The following MYO3B variants were observed in gnomAD, a reference collection of about 807,000 sequenced individuals.
The protein encoded by MYO3B is myosin-IIIb.
Under a neutral mutation model 174.6 loss-of-function variants are expected in MYO3B, and 156 were observed. The observed-to-expected ratio is 0.89, with a 90% CI of 0.78 to 1.02. The LOEUF is 1.02. Among genes scored for constraint, MYO3B ranks in the 50% least tolerant of loss-of-function variants. The pLI is 0.00. For missense variants in MYO3B, 1,632 were observed against 1,639.4 expected, an observed-to-expected ratio of 1.00 and a Z score of 0.08; for synonymous variants, 563 against 569.1, an observed-to-expected ratio of 0.99 and a Z score of 0.15.
intron 32 of MYO3B, among the ~76,000 whole-genome samples, chr2:170,635,544 C>T (rs917814842): frequency 6.6e-6 from 1 of 152,066 alleles, no homozygotes; most frequent in African/African-American, 2.4e-5. Context: ...AGCAAACCAA[C>T]ACAACACATG....
chr2:170,369,354 T>A lies in MYO3B; in HGVS notation c.948T>A (p.His316Gln). 6.2e-7 allele frequency: 1 copy of A among 1,613,286 alleles called. No individual in the cohort carries two copies. The highest frequency in any genetic ancestry group is 2.2e-5 in the East Asian group (1 of 44,864). Residue 316 changes from histidine to glutamine, a missense_variant, in exon 9 of 35, where the codon CAT becomes CAA. Coordinates refer to ENST00000408978, the MANE Select transcript of MYO3B (RefSeq NM_138995.5). Reference protein sequence around the residue: ...QLAKVLQDQKHQNPVAKTRHE... With the variant: ...QLAKVLQDQKQQNPVAKTRHE... The stretch of plus-strand genomic sequence containing the variant: ...CCAAGGTTCTCCAAGACCAGAAGCA[T>A]CAAAATCCTGTTGCTAAAACCAGGT...
At chr2:170,647,309 T>C (rs2105472131) in intron 32 of MYO3B, among the ~76,000 whole-genome samples, 1 of 152,336 alleles carries the variant, frequency 6.6e-6, no homozygotes, top group Non-Finnish European at 1.5e-5. Context: ...ACAGGGACTT[T>C]GTCTTATTTC....
At chr2:170,583,171 C>T (rs1057240920) in intron 32 of MYO3B, among the ~76,000 whole-genome samples, 3 of 148,132 alleles carry the variant, frequency 2.0e-5, no homozygotes, top group South Asian at 2.2e-4. Context: ...GTCTCCCTTA[C>T]CAGACTGATA....
At chr2:170,553,043 A>G (rs560208608) in intron 32 of MYO3B, among the ~76,000 whole-genome samples, 1 of 152,328 alleles carries the variant, frequency 6.6e-6, no homozygotes, top group Non-Finnish European at 1.5e-5. Flanking sequence ...CCTAGATTTC[A>G]GAGGATGTAT....
intron 9 of MYO3B, among the ~76,000 whole-genome samples, chr2:170,373,208 CAG>C (rs2094261433): frequency 6.6e-6 from 1 of 152,174 alleles, no homozygotes; most frequent in South Asian, 2.1e-4. Context: ...ATTAGGGAAA[CAG>C]AGAAGTGTGT....
chr2:170,221,154 G>T (rs909989033), intron 6 of MYO3B, among the ~76,000 whole-genome samples: 8 of 151,808 alleles, frequency 5.3e-5, no homozygotes, highest in Admixed American at 2.0e-4. Flanking sequence ...TGGCCTGTGT[G>T]GTATATTGAT....
chr2:170,265,744 G>A (rs924569841), intron 7 of MYO3B, among the ~76,000 whole-genome samples: 3 of 152,160 alleles, frequency 2.0e-5, no homozygotes, highest in Admixed American at 6.5e-5. Context: ...TTCCAGTCCT[G>A]TACTTTTTTC....
In MYO3B at chr2:170,515,761, C is replaced by T. The variant is rs77956457; in HGVS notation, c.3472+739C>T. The stretch of plus-strand genomic sequence containing the variant: ...GTTACAGTTTATCTGCCAGCCCCAG[C>T]GCCACTGCCCAGTGTGTAGGCAGAG... On this transcript the variant is annotated intron_variant, in intron 29 of 34. Coordinates refer to ENST00000408978, the MANE Select transcript of MYO3B (RefSeq NM_138995.5). Among the ~76,000 whole-genome samples the T allele has an allele frequency of 9.3e-3, 1,420 of 152,106 alleles. 50 individuals carry two copies. The East Asian group carries it at 0.1, about 11-fold the overall frequency.
intron 32 of MYO3B, among the ~76,000 whole-genome samples, chr2:170,588,715 A>G (rs1247370327): frequency 6.6e-6 from 1 of 152,194 alleles, no homozygotes; most frequent in Non-Finnish European, 1.5e-5. Flanking sequence ...AGCAGCTTTT[A>G]AGGTCTACTG....
At chr2:170,185,829 G>C (rs1352047727) in intron 1 of MYO3B, among the ~76,000 whole-genome samples, 1 of 150,434 alleles carries the variant, frequency 6.6e-6, no homozygotes, top group Non-Finnish European at 1.5e-5. Flanking sequence ...TTTCATCAGT[G>C]TTTTATAGTT....
chr2:170,270,339 A>G (rs73975599), intron 7 of MYO3B, among the ~76,000 whole-genome samples: 1,803 of 152,234 alleles, frequency 0.012, 33 homozygotes, highest in African/African-American at 0.04. Flanking sequence ...ATAGTACTAG[A>G]GTTTGGATGA....
chr2:170,216,334 A>T (rs1399471224), intron 5 of MYO3B, among the ~76,000 whole-genome samples: 5 of 152,248 alleles, frequency 3.3e-5, no homozygotes, highest in Non-Finnish European at 5.9e-5. Context: ...TTTGCAATTT[A>T]TAAAGCATTT....
chr2:170,547,323 C>G (rs1176671207), intron 32 of MYO3B, among the ~76,000 whole-genome samples: 1 of 149,068 alleles, frequency 6.7e-6, no homozygotes, highest in Non-Finnish European at 1.5e-5. Context: ...GAGCAAGACT[C>G]TGTCTCAAAA....
chr2:170,497,656 G>T (rs1442561431), intron 25 of MYO3B, among the ~76,000 whole-genome samples: 1 of 151,552 alleles, frequency 6.6e-6, no homozygotes, highest in Non-Finnish European at 1.5e-5. Context: ...TGTTTCTTCA[G>T]GTTTTCATTT....
rs750173142 is a variant in MYO3B, at chr2:170,443,956, C to T, written c.2651-11C>T. On this transcript the variant is annotated splice_polypyrimidine_tract_variant and intron_variant, in intron 22 of 34. Coordinates refer to ENST00000408978, the MANE Select transcript of MYO3B (RefSeq NM_138995.5). Reference sequence around the variant, plus strand: ...TCCTTTAATTTATGTTCTTTGTGGTCTCTTTCTCAGGTAATTTGGCCCAGA... The same window carrying T: ...TCCTTTAATTTATGTTCTTTGTGGTTTCTTTCTCAGGTAATTTGGCCCAGA... 9 of 1,604,730 alleles carry T rather than the reference C, an allele frequency of 5.6e-6. No individual in the cohort carries two copies. Among genetic ancestry groups the T allele is most frequent in the Non-Finnish European group, 7.7e-6 (9 of 1,173,250 alleles).
rs529405784 is a variant in MYO3B, at chr2:170,547,293, G to A, written c.3733+3305G>A. ...TGCAGTGAGCCGAGATCGCGCCACT[G>A]TACTCCAGCCTGGGCGACAGAGCAA... On this transcript the variant is annotated intron_variant, in intron 32 of 34. Transcript: ENST00000408978. 4.8e-4 allele frequency among the ~76,000 whole-genome samples: 73 copies of A among 150,938 alleles called. No individual in the cohort carries two copies. In the East Asian group the frequency reaches 0.012, roughly 25 times the overall value.
intron 7 of MYO3B, among the ~76,000 whole-genome samples, chr2:170,265,482 T>A (rs1272878007): frequency 2.0e-5 from 3 of 152,104 alleles, no homozygotes; most frequent in Non-Finnish European, 1.5e-5. Flanking sequence ...GGTACCCAAT[T>A]CCCATGCCAA....
At chr2:170,582,627 C>T (rs537766345) in intron 32 of MYO3B, among the ~76,000 whole-genome samples, 8 of 152,236 alleles carry the variant, frequency 5.3e-5, no homozygotes, top group African/African-American at 1.4e-4. Context: ...GCCACTTTGC[C>T]ACCCTAGCCT....
chr2:170,432,973 A>G (rs2094723638), intron 22 of MYO3B, among the ~76,000 whole-genome samples: 2 of 152,210 alleles, frequency 1.3e-5, no homozygotes, highest in South Asian at 4.1e-4. Context: ...GTACTAATGT[A>G]CAGTGAATGT....
Sources: allele counts gnomAD v4.1 joint callset (sites outside exome capture counted in the v4.1 genomes callset), GRCh38; gene constraint gnomAD v4.1.1; transcripts MANE v1.5; gene names NCBI Gene and HGNC (gene_info 2026-07-23, HGNC 2026-07-21).